Variants in PTPRD observed in about 807,000 individuals in gnomAD.
PTPRD encodes the protein protein tyrosine phosphatase receptor type D.
Under a neutral mutation model 214.5 loss-of-function variants are expected in PTPRD, and 34 were observed. The observed-to-expected ratio is 0.16, with a 90% CI of 0.12 to 0.21. The LOEUF is 0.21. Among genes scored for constraint, PTPRD ranks in the 10% least tolerant of loss-of-function variants. PTPRD has a pLI of 1.00. For synonymous variants in PTPRD, 1,128 were observed against 845.7 expected (o/e 1.33, Z -5.79); for missense variants, 2,545 against 2,398.7 (o/e 1.06, Z -1.27).
At chr9:9,441,246 A>T in intron 8 of PTPRD, among the ~76,000 whole-genome samples, 1 of 152,162 alleles carries the variant, frequency 6.6e-6, no homozygotes, top group East Asian at 1.9e-4. Flanking sequence ...TGGGAGGCAT[A>T]ACTATGTCCA....
chr9:10,306,072 C>G (rs2096057794), intron 3 of PTPRD, among the ~76,000 whole-genome samples: 1 of 152,038 alleles, frequency 6.6e-6, no homozygotes, highest in Non-Finnish European at 1.5e-5. Context: ...CACATATACA[C>G]CAGGGAATCC....
rs79659028 is a variant in PTPRD at position 8,502,168 on chromosome 9, T to C, written c.1823-1109A>G. On this transcript the variant is annotated intron_variant, in intron 23 of 45. Transcript: ENST00000381196. ...AACCAAGCATTATGATTTTAAAAAATTAAAAATCAATAAAAGACAGCACAA... is the reference window on the plus strand; with the variant it reads ...AACCAAGCATTATGATTTTAAAAAACTAAAAATCAATAAAAGACAGCACAA... Among the ~76,000 whole-genome samples the C allele has an allele frequency of 9.7e-3, 1,481 of 152,126 alleles. 26 individuals are homozygous for C. The highest frequency in any genetic ancestry group is 0.049 in the East Asian group (254 of 5,168).
intron 10 of PTPRD, among the ~76,000 whole-genome samples, chr9:9,171,034 A>G (rs1422065984): frequency 6.6e-6 from 1 of 152,190 alleles, no homozygotes; most frequent in Admixed American, 6.5e-5. Flanking sequence ...AACACCTGCC[A>G]CATTGTGGTA....
At chr9:8,937,850 T>C (rs891851321) in intron 11 of PTPRD, among the ~76,000 whole-genome samples, 2 of 152,214 alleles carry the variant, frequency 1.3e-5, no homozygotes, top group African/African-American at 4.8e-5. Context: ...TTTTGTTAAC[T>C]GATTCCCTGA....
chr9:10,080,232 T>C (rs1456331645), intron 3 of PTPRD, among the ~76,000 whole-genome samples: 1 of 151,936 alleles, frequency 6.6e-6, no homozygotes, highest in Non-Finnish European at 1.5e-5. Flanking sequence ...TAGCACAGAG[T>C]AGCAAAACAG....
At chr9:8,574,502 G>A (rs888199544) in intron 14 of PTPRD, among the ~76,000 whole-genome samples, 1 of 151,946 alleles carries the variant, frequency 6.6e-6, no homozygotes, top group African/African-American at 2.4e-5. Flanking sequence ...GTCCATTAAA[G>A]CACTGTATCT....
At chr9:8,733,343 G>C (rs114598609) in intron 12 of PTPRD, among the ~76,000 whole-genome samples, 1 of 152,030 alleles carries the variant, frequency 6.6e-6, no homozygotes, top group East Asian at 1.9e-4. Context: ...GCTACAAGGG[G>C]CTTGGAAGTT....
intron 11 of PTPRD, among the ~76,000 whole-genome samples, chr9:8,859,661 A>T (rs944459123): frequency 6.6e-6 from 1 of 152,082 alleles, no homozygotes; most frequent in Non-Finnish European, 1.5e-5. Flanking sequence ...CAAGCTGCCC[A>T]TTTGTTTCCA....
intron 10 of PTPRD, among the ~76,000 whole-genome samples, chr9:9,032,658 A>T (rs983781622): frequency 2.0e-5 from 3 of 152,026 alleles, no homozygotes; most frequent in Non-Finnish European, 2.9e-5. Context: ...CATTTTCTGC[A>T]TATTCAATGT....
intron 5 of PTPRD, among the ~76,000 whole-genome samples, chr9:9,873,563 G>C (rs745383316): frequency 2.0e-5 from 3 of 151,944 alleles, no homozygotes; most frequent in Non-Finnish European, 4.4e-5. Flanking sequence ...CACAGAATTT[G>C]TTAAAGGAAA....
chr9:8,426,114 G>A (rs538200474), intron 35 of PTPRD, among the ~76,000 whole-genome samples: 1 of 152,316 alleles, frequency 6.6e-6, no homozygotes, highest in Admixed American at 6.5e-5. Context: ...GATAGGTCAT[G>A]CATATTGAAG....
At chr9:9,242,039 G>A (rs559612690) in intron 9 of PTPRD, among the ~76,000 whole-genome samples, 1 of 151,982 alleles carries the variant, frequency 6.6e-6, no homozygotes, top group South Asian at 2.1e-4. Flanking sequence ...GGGCAGGCCT[G>A]GTGGTGACAA....
chr9:9,533,871 G>A (rs1356209314), intron 8 of PTPRD, among the ~76,000 whole-genome samples: 1 of 151,982 alleles, frequency 6.6e-6, no homozygotes, highest in African/African-American at 2.4e-5. Flanking sequence ...ACTGTATGTT[G>A]AAAAAATTTA....
chr9:9,720,660 A>G (rs2097919289), intron 7 of PTPRD, among the ~76,000 whole-genome samples: 1 of 152,170 alleles, frequency 6.6e-6, no homozygotes, highest in African/African-American at 2.4e-5. Flanking sequence ...GACAGTGCAA[A>G]AAATAAGAGT....
chr9:10,287,721 T>G (rs968548378), intron 3 of PTPRD, among the ~76,000 whole-genome samples: 6 of 152,126 alleles, frequency 3.9e-5, no homozygotes, highest in Non-Finnish European at 8.8e-5. Context: ...CATATTGCTA[T>G]GCACTCTCTC....
At chr9:10,544,702 T>C (rs890594721) in intron 2 of PTPRD, among the ~76,000 whole-genome samples, 2 of 152,146 alleles carry the variant, frequency 1.3e-5, no homozygotes, top group Non-Finnish European at 2.9e-5. Context: ...TCTGACAACA[T>C]CCTCTTTTTG....
intron 21 of PTPRD, among the ~76,000 whole-genome samples, chr9:8,517,052 C>T (rs1182415985): frequency 6.6e-6 from 1 of 152,036 alleles, no homozygotes; most frequent in Non-Finnish European, 1.5e-5. Context: ...CTCAAGTGAT[C>T]CACCTACCTC....
chr9:9,530,804 T>G (rs2075293948), intron 8 of PTPRD, among the ~76,000 whole-genome samples: 2 of 152,108 alleles, frequency 1.3e-5, no homozygotes, highest in African/African-American at 4.8e-5. Flanking sequence ...ACTGCATATT[T>G]TCACTCATAT....
rs578262303 is a variant in PTPRD at position 8,316,373 on chromosome 9, G to C, written c.*1501C>G. 4 of 231,342 alleles carry C rather than the reference G, an allele frequency of 1.7e-5. No individual in the cohort carries two copies. Among genetic ancestry groups the C allele is most frequent in the African/African-American group, 8.8e-5 (4 of 45,286 alleles). The allele number at this position is 231,342 out of a possible 1,614,324, so 14.3% of individuals were successfully genotyped here. On this transcript the variant is annotated 3_prime_UTR_variant, in exon 46 of 46. Coordinates refer to ENST00000381196, the MANE Select transcript of PTPRD (RefSeq NM_002839.4). ...CTAAATGCAAAACTAAAACCAAAAC[G>C]AAACAAAGTACAGCACTTCCCAGGA...
Sources: gnomAD v4.1 joint callset for allele counts (sites outside exome capture counted in the v4.1 genomes callset) on GRCh38, gnomAD v4.1.1 for gene constraint, MANE v1.5 for transcripts, NCBI Gene and HGNC (gene_info 2026-07-23, HGNC 2026-07-21) for gene names.